The following MAX variants were observed in gnomAD, a reference collection of about 807,000 sequenced individuals.
MAX encodes the protein protein max.
Under a neutral mutation model 22.3 loss-of-function variants are expected in MAX, and 3 were observed. The observed-to-expected ratio is 0.13, with a 90% CI of 0.06 to 0.35. The LOEUF is 0.35. MAX is among the 10% of genes least tolerant of loss of function. The pLI, the probability that MAX is intolerant of heterozygous loss-of-function variation, is 1.00. For synonymous variants in MAX, 72 were observed against 77.7 expected (o/e 0.93, Z 0.39); for missense variants, 119 against 209.4 (o/e 0.57, Z 2.66).
At chr14:65,015,507 G>C (rs1414800493) in intron 3 of MAX, 21 of 799,620 alleles carry the variant, frequency 2.6e-5, no homozygotes, top group African/African-American at 5.2e-5. Context: ...TGTTGTTTGA[G>C]CAAGGGTGCC....
chr14:65,039,824 G>C (rs2062304828), intron 3 of MAX, among the ~76,000 whole-genome samples: 1 of 152,066 alleles, frequency 6.6e-6, no homozygotes, highest in African/African-American at 2.4e-5. Flanking sequence ...TAGTATACAG[G>C]TTCATTATAA....
intron 3 of MAX, chr14:65,053,103 A>T: frequency 1.8e-6 from 1 of 551,212 alleles, no homozygotes; most frequent in Non-Finnish European, 2.8e-6. Flanking sequence ...GGAAGATAGC[A>T]GTTGTACCAA....
rs759754007 is a variant in MAX, at chr14:65,088,178, C to T, written c.171+5530G>A. 3.3e-5 allele frequency among the ~76,000 whole-genome samples: 5 copies of T among 152,202 alleles called. No homozygotes were observed. The highest frequency in any genetic ancestry group is 6.8e-3 in the Middle Eastern group (2 of 294). On this transcript the variant is annotated intron_variant, in intron 3 of 4. Coordinates refer to ENST00000358664, the MANE Select transcript of MAX (RefSeq NM_002382.5). This position sits in a 1 kb window ranked among gnomAD's most constrained non-coding sequence, Gnocchi z 5.2. ...TATGTCTTTATCAGCAGCACGAAAA[C>T]GGACTAATACAAGGGTGTATAGTAA...
Position 65,011,957 on chromosome 14 carries a change from A to T in MAX, c.172-5673T>A, listed in dbSNP as rs903918426. Among the ~76,000 whole-genome samples, 4 of 152,106 alleles carry T rather than the reference A, an allele frequency of 2.6e-5. No homozygotes were observed. The highest frequency in any genetic ancestry group is 9.7e-5 in the African/African-American group (4 of 41,398). The stretch of plus-strand genomic sequence containing the variant: ...GATTTAAATTGCTTATAGGATGGGG[A>T]GGCACAAAGATATCTGTTCTTAGAT... On this transcript the variant is annotated intron_variant, in intron 3 of 3. Transcript: ENST00000341653. This position sits in a 1 kb window ranked among gnomAD's most constrained non-coding sequence, Gnocchi z 4.0.
intron 3 of MAX, chr14:65,041,011 T>C (rs2062340590): frequency 2.6e-6 from 4 of 1,547,518 alleles, no homozygotes; most frequent in East Asian, 2.3e-5. Context: ...AGTTTGGCTA[T>C]GGGAAGGGCT....
At position 65,060,471 on chromosome 14, in the gene MAX, C is replaced by T. The variant is rs866205918; in HGVS notation, c.171+33237G>A. Among the ~76,000 whole-genome samples the T allele has an allele frequency of 1.0e-4, 13 of 129,198 alleles. 3 individuals are homozygous for T. The highest frequency in any genetic ancestry group is 3.8e-4 in the African/African-American group (9 of 23,914). 84.8% of individuals were successfully genotyped at this position (129,198 alleles called of 152,430 possible). A position where few individuals can be genotyped will look rare whatever the true frequency, so the allele number is the denominator to read the frequency against. On this transcript the variant is annotated intron_variant, in intron 3 of 3. Transcript: ENST00000341653. ...CAGCACTTTGGGAGGCCGAGGCGGG[C>T]GGATCACGAGGTCAGGAGATCGAGA...
In MAX at chr14:65,007,838, T is replaced by A. The variant is rs2061619076; in HGVS notation, c.172-1554A>T. Reference sequence around the variant, plus strand: ...CCTCGCTCACATGTAGTTTTTAAATTTGTTTTCTCCTGGGCAAGGAGACGG... The same window carrying A: ...CCTCGCTCACATGTAGTTTTTAAATATGTTTTCTCCTGGGCAAGGAGACGG... On this transcript the variant is annotated intron_variant, in intron 3 of 3. Transcript: ENST00000341653. The surrounding 1 kb of genome is among the most constrained non-coding windows in gnomAD (Gnocchi z 4.9). 6.6e-6 allele frequency among the ~76,000 whole-genome samples: 1 copy of A among 152,152 alleles called. No individual in the cohort carries two copies. Among genetic ancestry groups the A allele is most frequent in the Non-Finnish European group, 1.5e-5 (1 of 68,018 alleles).
At position 65,044,940 on chromosome 14, in the gene MAX, C is replaced by T. The variant is rs141223960; in HGVS notation, c.172-38656G>A. On this transcript the variant is annotated intron_variant, in intron 3 of 3. Transcript: ENST00000341653. This position sits in a 1 kb window ranked among gnomAD's most constrained non-coding sequence, Gnocchi z 5.5. The stretch of plus-strand genomic sequence containing the variant: ...GCCCCTACACCATGGAGAAGAGACT[C>T]GCCGTGTCTGACTGGCTGCAGAGTT... 1.7e-3 allele frequency among the ~76,000 whole-genome samples: 255 copies of T among 152,222 alleles called. 1 individual carries two copies. The highest frequency in any genetic ancestry group is 6.0e-3 in the African/African-American group (251 of 41,538).
At chr14:65,064,996 G>A (rs942928290) in intron 3 of MAX, among the ~76,000 whole-genome samples, 1 of 152,226 alleles carries the variant, frequency 6.6e-6, no homozygotes, top group African/African-American at 2.4e-5. Context: ...ATCTCTCTTT[G>A]CCCCAGTAAT....
At chr14:65,006,999 G>T (rs916698670) in intron 3 of MAX, among the ~76,000 whole-genome samples, 1 of 152,102 alleles carries the variant, frequency 6.6e-6, no homozygotes, top group Non-Finnish European at 1.5e-5. Flanking sequence ...AATATATCAG[G>T]GCTCTGGGTT....
At position 65,054,388 on chromosome 14, in the gene MAX, G is replaced by A. The variant is rs10130037; in HGVS notation, c.171+39320C>T. Among the ~76,000 whole-genome samples, 15,812 of 151,506 alleles carry A rather than the reference G, an allele frequency of 0.1. 1,314 individuals are homozygous for A. The highest frequency in any genetic ancestry group is 0.23 in the African/African-American group (9,298 of 41,238). On this transcript the variant is annotated intron_variant, in intron 3 of 3. Coordinates refer to the MAX transcript ENST00000341653. The surrounding 1 kb of genome is among the most constrained non-coding windows in gnomAD (Gnocchi z 4.4). Reference sequence around the variant, plus strand: ...AGCCTCCTGCTTGCTGGGATTATGGGTGTGAGCCACTGTGCTCAGCCAGTG... The same window carrying A: ...AGCCTCCTGCTTGCTGGGATTATGGATGTGAGCCACTGTGCTCAGCCAGTG...
chr14:65,015,362 C>G (rs2061751116), intron 3 of MAX, among the ~76,000 whole-genome samples: 1 of 151,498 alleles, frequency 6.6e-6, no homozygotes, highest in African/African-American at 2.4e-5. Context: ...CTTGGCCTCC[C>G]AAAGTGCTGG....
Position 65,099,416 on chromosome 14 carries a change from A to G in MAX, c.63+2130T>C, listed in dbSNP as rs368870734. 1.8e-4 allele frequency among the ~76,000 whole-genome samples: 28 copies of G among 152,266 alleles called. 1 individual carries two copies. Among genetic ancestry groups the G allele is most frequent in the African/African-American group, 6.3e-4 (26 of 41,554 alleles). On this transcript the variant is annotated intron_variant, in intron 2 of 4. Transcript: ENST00000358664. Reference sequence around the variant, plus strand: ...ATCTAGACAAAACAATGAGATTAGCATTCCAGGAAAGCAGAAACATTATAA... The same window carrying G: ...ATCTAGACAAAACAATGAGATTAGCGTTCCAGGAAAGCAGAAACATTATAA...
At chr14:65,070,195 T>G (rs60156701), downstream of MAX, among the ~76,000 whole-genome samples, 1 of 152,204 alleles carries the variant, frequency 6.6e-6, no homozygotes, top group African/African-American at 2.4e-5. This position sits in a 1 kb window ranked among gnomAD's most constrained non-coding sequence, Gnocchi z 4.4. Context: ...AGAAGTAGGC[T>G]TTCTGGAGAG....
intron 3 of MAX, among the ~76,000 whole-genome samples, chr14:65,021,457 G>C (rs1322583376): frequency 2.0e-5 from 3 of 152,038 alleles, no homozygotes; most frequent in African/African-American, 7.2e-5. Context: ...TAGTTTGTAT[G>C]TTTCCTTACC....
At chr14:65,049,143 G>C (rs2062553351) in intron 3 of MAX, among the ~76,000 whole-genome samples, 1 of 149,154 alleles carries the variant, frequency 6.7e-6, no homozygotes, top group East Asian at 2.0e-4. Context: ...AAAAAAAAAG[G>C]CTTAAGAAAT....
intron 3 of MAX, among the ~76,000 whole-genome samples, chr14:65,036,974 A>G (rs1323431044): frequency 1.3e-5 from 2 of 152,008 alleles, no homozygotes; most frequent in African/African-American, 4.8e-5. Context: ...TTGATGATGA[A>G]TCTTGATGTG....
intron 2 of MAX, chr14:65,094,082 G>A (rs1167777499): frequency 4.4e-6 from 2 of 455,050 alleles, no homozygotes; most frequent in Non-Finnish European, 8.2e-6. Flanking sequence ...TTATTCAGGG[G>A]GACAAAGTGT....
chr14:65,060,621 G>A (rs1340659299), intron 3 of MAX, among the ~76,000 whole-genome samples: 8 of 102,868 alleles, frequency 7.8e-5, no homozygotes, highest in South Asian at 6.4e-4. Flanking sequence ...GCGTGAACCC[G>A]GGAGGCGGAG....
Sources: allele counts gnomAD v4.1 joint callset (sites outside exome capture counted in the v4.1 genomes callset), GRCh38; gene constraint gnomAD v4.1.1; non-coding constraint Gnocchi (gnomAD v3.1); transcripts MANE v1.5; gene names NCBI Gene and HGNC (gene_info 2026-07-23, HGNC 2026-07-21).